ASTN2: variants seen among roughly 807,000 people sequenced by gnomAD.
ASTN2 encodes astrotactin 2, also known as astrotactin-2.
A neutral mutation model predicts 139.8 loss-of-function variants in ASTN2; 54 were observed. That is an observed-to-expected ratio of 0.39 (90% CI 0.31 to 0.48). The LOEUF is 0.48. ASTN2 is among the 20% of genes least tolerant of loss of function. ASTN2 has a pLI of 0.95. For missense variants in ASTN2, 1,565 were observed against 1,725.1 expected (o/e 0.91, Z 1.64); for synonymous variants, 756 against 719.5 (o/e 1.05, Z -0.81).
At chr9:116,944,324 G>C (rs187375402) in intron 10 of ASTN2, among the ~76,000 whole-genome samples, 1 of 152,232 alleles carries the variant, frequency 6.6e-6, no homozygotes, top group East Asian at 1.9e-4. Context: ...ATCTCAGCTA[G>C]TTTTGAGAGA....
At chr9:116,956,159 G>A (rs1399611722) in intron 10 of ASTN2, among the ~76,000 whole-genome samples, 2 of 143,404 alleles carry the variant, frequency 1.4e-5, no homozygotes, top group African/African-American at 5.1e-5. Context: ...GCAATGGCGC[G>A]ATGTTGGCTC....
At chr9:116,623,392 A>G (rs1856274909) in intron 17 of ASTN2, among the ~76,000 whole-genome samples, 1 of 152,088 alleles carries the variant, frequency 6.6e-6, no homozygotes, top group South Asian at 2.1e-4. Flanking sequence ...CCAGGCAAAC[A>G]CTGGTTAGAA....
chr9:116,683,420 C>G (rs998056425), intron 16 of ASTN2, among the ~76,000 whole-genome samples: 2 of 152,122 alleles, frequency 1.3e-5, no homozygotes, highest in African/African-American at 4.8e-5. Flanking sequence ...AACCAAGATT[C>G]CTAGTCAATT....
chr9:117,185,013 T>C (rs1831162060), intron 3 of ASTN2, among the ~76,000 whole-genome samples: 1 of 152,162 alleles, frequency 6.6e-6, no homozygotes, highest in South Asian at 2.1e-4. Context: ...AAGAGGTTAG[T>C]TACTCTGTCC....
At chr9:116,431,640 G>GT (rs1204088046) in intron 22 of ASTN2, among the ~76,000 whole-genome samples, 3 of 152,174 alleles carry the variant, frequency 2.0e-5, no homozygotes, top group Non-Finnish European at 2.9e-5. Flanking sequence ...CAAAAGACAA[G>GT]TGGGCAACAA....
chr9:117,203,685 A>T lies in ASTN2; in HGVS notation c.1015+10673T>A, dbSNP rs1276356704. ...ATCTGATTCACTCCTGTGCCTGGAGATGTCACTCAAGGAGTCTGGAGAGCA... is the reference window on the plus strand; with the variant it reads ...ATCTGATTCACTCCTGTGCCTGGAGTTGTCACTCAAGGAGTCTGGAGAGCA... On this transcript the variant is annotated intron_variant, in intron 3 of 22. Coordinates refer to ENST00000313400, the MANE Select transcript of ASTN2 (RefSeq NM_001365068.1). Among the ~76,000 whole-genome samples the T allele has an allele frequency of 3.3e-5, 5 of 151,990 alleles. No individual in the cohort carries two copies. In the South Asian group the frequency reaches 1.0e-3, roughly 32 times the overall value.
intron 3 of ASTN2, among the ~76,000 whole-genome samples, chr9:117,149,415 T>TTG (rs138834081): frequency 2.0e-4 from 30 of 150,840 alleles, no homozygotes; most frequent in Middle Eastern, 3.4e-3. Context: ...TTGTGTGTGT[T>TTG]TGTGTGTGTG....
At chr9:116,483,675 C>T (rs900207134) in intron 20 of ASTN2, among the ~76,000 whole-genome samples, 12 of 151,954 alleles carry the variant, frequency 7.9e-5, no homozygotes, top group Non-Finnish European at 1.3e-4. Flanking sequence ...AAGGCAGAGA[C>T]GCAGAGAGGC....
At chr9:116,880,193 T>G (rs544536082) in intron 10 of ASTN2, among the ~76,000 whole-genome samples, 19 of 152,338 alleles carry the variant, frequency 1.2e-4, no homozygotes, top group Middle Eastern at 3.4e-3. Flanking sequence ...CTATGTTTGT[T>G]GCCTATGTTT....
chr9:117,339,383 G>A (rs1441863505), intron 1 of ASTN2, among the ~76,000 whole-genome samples: 1 of 152,058 alleles, frequency 6.6e-6, no homozygotes, highest in Non-Finnish European at 1.5e-5. Context: ...AAAGAGGCAA[G>A]GTCACCCTGT....
intron 2 of ASTN2, among the ~76,000 whole-genome samples, chr9:117,230,645 A>T (rs528015523): frequency 1.3e-5 from 2 of 152,330 alleles, no homozygotes; most frequent in East Asian, 3.9e-4. Flanking sequence ...TTTAGTTGCA[A>T]GAGTCACTGA....
At chr9:117,410,911 C>A (rs1831139955) in intron 1 of ASTN2, among the ~76,000 whole-genome samples, 1 of 152,190 alleles carries the variant, frequency 6.6e-6, no homozygotes, top group African/African-American at 2.4e-5. Flanking sequence ...CATAGGTCAG[C>A]TCACCAAGGT....
At chr9:117,022,046 A>G (rs1837900808) in intron 6 of ASTN2, among the ~76,000 whole-genome samples, 1 of 152,146 alleles carries the variant, frequency 6.6e-6, no homozygotes, top group Non-Finnish European at 1.5e-5. Flanking sequence ...TCAAAAGCCC[A>G]TTCTGTGACT....
chr9:116,762,082 A>G (rs181829826), intron 13 of ASTN2, among the ~76,000 whole-genome samples: 3 of 152,330 alleles, frequency 2.0e-5, no homozygotes, highest in Non-Finnish European at 1.5e-5. Context: ...TTTTCAGTGA[A>G]GAACTAATGA....
chr9:116,922,829 T>C (rs545333771), intron 10 of ASTN2, among the ~76,000 whole-genome samples: 2 of 152,310 alleles, frequency 1.3e-5, no homozygotes, highest in South Asian at 2.1e-4. Context: ...CTAAGAAATA[T>C]GTACTTTGGG....
intron 17 of ASTN2, among the ~76,000 whole-genome samples, chr9:116,639,272 T>A (rs539190270): frequency 5.5e-4 from 83 of 152,286 alleles, no homozygotes; most frequent in African/African-American, 1.9e-3. Flanking sequence ...TCCTCTCCTC[T>A]CAGGATATGA....
chr9:117,024,118 A>G (rs1460929936), intron 6 of ASTN2, among the ~76,000 whole-genome samples: 1 of 152,124 alleles, frequency 6.6e-6, no homozygotes, highest in Non-Finnish European at 1.5e-5. Context: ...TGGACAATGA[A>G]TCTGTCCAAG....
Position 116,827,313 on chromosome 9 carries a change from CAAA to C in ASTN2, c.2041-6533_2041-6531del, listed in dbSNP as rs141242698. On this transcript the variant is annotated intron_variant, in intron 11 of 22. Coordinates refer to ENST00000313400, the MANE Select transcript of ASTN2 (RefSeq NM_001365068.1). ...AACAAGAGCAAAACTCCATCCCCCC[CAAA>C]AAAAAAAAAAAAAAAAAGAACTAGA... 8.5e-3 allele frequency among the ~76,000 whole-genome samples: 676 copies of C among 79,462 alleles called. 7 individuals carry two copies. Among genetic ancestry groups the C allele is most frequent in the African/African-American group, 0.028 (546 of 19,772 alleles). The allele number at this position is 79,462 out of a possible 152,430, so 52.1% of individuals were successfully genotyped here.
intron 11 of ASTN2, among the ~76,000 whole-genome samples, chr9:116,828,300 C>CA (rs34187222): frequency 0.68 from 89,639 of 131,944 alleles, 30,918 homozygotes; most frequent in Admixed American, 0.78. Context: ...GACTCCGTCT[C>CA]AAAAAAAAAA....
Sources: gnomAD v4.1 joint callset for allele counts (sites outside exome capture counted in the v4.1 genomes callset) on GRCh38, gnomAD v4.1.1 for gene constraint, MANE v1.5 for transcripts, NCBI Gene and HGNC (gene_info 2026-07-23, HGNC 2026-07-21) for gene names.